The following ANK3 variants were observed in gnomAD, a reference collection of about 807,000 sequenced individuals.
ANK3 encodes the protein ankyrin 3.
Under a neutral mutation model 370.9 loss-of-function variants are expected in ANK3, and 57 were observed. That is an observed-to-expected ratio of 0.15 (90% CI 0.12 to 0.19). The LOEUF (loss-of-function observed/expected upper bound fraction) is 0.19. Among genes scored for constraint, ANK3 ranks in the 10% least tolerant of loss-of-function variants. ANK3 has a pLI of 1.00. For synonymous variants in ANK3, 1,929 were observed against 1,946.3 expected (o/e 0.99, Z 0.23); for missense variants, 4,439 against 5,302.1 (o/e 0.84, Z 5.06).
intron 7 of ANK3, among the ~76,000 whole-genome samples, chr10:60,237,593 T>C (rs2132546801): frequency 6.6e-6 from 1 of 151,940 alleles, no homozygotes; most frequent in South Asian, 2.1e-4. Flanking sequence ...AGTTTCTTTT[T>C]TTTCTCTTTT....
chr10:60,075,879 C>T lies in ANK3; in HGVS notation c.5002G>A (p.Ala1668Thr). Residue 1668 changes from alanine (A) to threonine (T), a missense_variant, in exon 37 of 44, where the codon GCA becomes ACA. Transcript: ENST00000280772. ...TTTAAAGGTGAAGATATTAGCGGTGCTGCTGATGTAATAATTGACTTAAAT... is the reference window on the plus strand; with the variant it reads ...TTTAAAGGTGAAGATATTAGCGGTGTTGCTGATGTAATAATTGACTTAAAT... ...LPFKSIITSA[A>T]PLISSPLKSV... The T allele has an allele frequency of 1.2e-6, 2 of 1,614,104 alleles. No individual in the cohort carries two copies. Among genetic ancestry groups the T allele is most frequent in the Non-Finnish European group, 1.7e-6 (2 of 1,179,998 alleles).
intron 1 of ANK3, among the ~76,000 whole-genome samples, chr10:60,331,964 C>CT (rs11418523): frequency 0.12 from 17,537 of 148,528 alleles, 1,351 homozygotes; most frequent in East Asian, 0.24. Flanking sequence ...ATCTTTTTTT[C>CT]TTTTTTTTTT....
Position 60,636,714 on chromosome 10 carries a change from A to G in ANK3, c.58-21490T>C, listed in dbSNP as rs74592806. The stretch of plus-strand genomic sequence containing the variant: ...AAGAATCAACACTACTGAATTTACA[A>G]GAACAGACAAGGCATCAACCTACTC... On this transcript the variant is annotated intron_variant, in intron 1 of 43. Transcript: ENST00000373827. Among the ~76,000 whole-genome samples, 694 of 152,334 alleles carry G rather than the reference A, an allele frequency of 4.6e-3. 9 individuals are homozygous for G. Among genetic ancestry groups the G allele is most frequent in the African/African-American group, 0.015 (623 of 41,576 alleles).
chr10:60,035,349 A>G (rs1398888437), intron 43 of ANK3, among the ~76,000 whole-genome samples: 1 of 151,978 alleles, frequency 6.6e-6, no homozygotes, highest in Non-Finnish European at 1.5e-5. Context: ...CCTAGGTTCA[A>G]GCGATTCTCC....
intron 25 of ANK3, among the ~76,000 whole-genome samples, chr10:60,130,969 T>C (rs979163179): frequency 6.6e-6 from 1 of 152,214 alleles, no homozygotes; most frequent in Non-Finnish European, 1.5e-5. Flanking sequence ...ACCTTCCACC[T>C]GGATTCAACA....
chr10:60,059,168 A>T (rs2131927271), intron 41 of ANK3, among the ~76,000 whole-genome samples, 172 bp downstream of exon 41: 1 of 152,344 alleles, frequency 6.6e-6, no homozygotes, highest in Middle Eastern at 3.4e-3. Flanking sequence ...TTAAATTTAA[A>T]TTTAAATTCA....
At chr10:60,103,151 C>T (rs531524427) in intron 28 of ANK3, among the ~76,000 whole-genome samples, 8 of 152,136 alleles carry the variant, frequency 5.3e-5, no homozygotes, top group Non-Finnish European at 1.0e-4. Flanking sequence ...GGGGTTTCAC[C>T]ATGTTGGCCA....
chr10:60,274,602 C>T (rs2098056865), intron 4 of ANK3, among the ~76,000 whole-genome samples: 1 of 152,136 alleles, frequency 6.6e-6, no homozygotes, highest in African/African-American at 2.4e-5. Context: ...GATTCTCCCT[C>T]TCCAGTCTTG....
intron 27 of ANK3, chr10:60,108,215 A>G: frequency 2.2e-6 from 1 of 449,948 alleles, no homozygotes; most frequent in Non-Finnish European, 4.5e-6. Flanking sequence ...TTGAGGCCCA[A>G]GCTGCAGGAT....
chr10:60,512,389 A>G (rs1218522993), intron 2 of ANK3, among the ~76,000 whole-genome samples: 1 of 152,312 alleles, frequency 6.6e-6, no homozygotes, highest in East Asian at 1.9e-4. Flanking sequence ...GGAAATGTTC[A>G]TCCAATTAGT....
chr10:60,261,756 A>G, intron 7 of ANK3, 103 bp downstream of exon 7: 1 of 921,644 alleles, frequency 1.1e-6, no homozygotes, highest in Non-Finnish European at 1.7e-6. Context: ...ACTGACTGGA[A>G]GGACTCTTGG....
At position 60,469,071 on chromosome 10, in the gene ANK3, A is replaced by ATATATATATATATACCACTTTTAG. The variant is rs1567066419; in HGVS notation, c.96+146114_96+146115insCTAAAAGTGGTATATATATATATA. On this transcript the variant is annotated intron_variant, in intron 2 of 43. Transcript: ENST00000373827. Reference sequence around the variant, plus strand: ...TATATATATACCACTTTTAGTATATATATATATATATATATATATATATAC... The same window carrying ATATATATATATATACCACTTTTAG: ...TATATATATACCACTTTTAGTATATATATATATATATATACCACTTTTAGTATATATATATATATATATATATAC... 3.2e-3 allele frequency among the ~76,000 whole-genome samples: 11 copies of ATATATATATATATACCACTTTTAG among 3,410 alleles called. 2 individuals carry two copies. The highest frequency in any genetic ancestry group is 4.7e-3 in the African/African-American group (11 of 2,352). The allele number at this position is 3,410 out of a possible 152,430, so 2.2% of individuals were successfully genotyped here. A position where few individuals can be genotyped will look rare whatever the true frequency, so the allele number is the denominator to read the frequency against.
Position 60,100,234 on chromosome 10 carries a change from G to GTTTGT in ANK3, c.3328+5670_3328+5671insACAAA, listed in dbSNP as rs1554926770. Among the ~76,000 whole-genome samples, 6 of 57,898 alleles carry GTTTGT rather than the reference G, an allele frequency of 1.0e-4. No homozygotes were observed. In the Admixed American group the frequency reaches 1.1e-3, roughly 11 times the overall value. 38.0% of individuals were successfully genotyped at this position (57,898 alleles called of 152,430 possible). On this transcript the variant is annotated intron_variant, in intron 28 of 43. Transcript: ENST00000280772. ...GGCTGAAAGTCAGTATTTTGCTATG[G>GTTTGT]TTTTTTTTTTTTTTTTTTTTTTGCA... is the stretch of plus-strand genomic sequence containing the variant.
intron 1 of ANK3, among the ~76,000 whole-genome samples, chr10:60,652,439 T>G (rs1408483168): frequency 6.6e-6 from 1 of 151,268 alleles, no homozygotes; most frequent in African/African-American, 2.4e-5. Flanking sequence ...CTAATGAAAT[T>G]AAAAGAAGGA....
In ANK3 at chr10:60,396,295, C is replaced by T. The variant is rs111477795; in HGVS notation, c.97-116656G>A. On this transcript the variant is annotated intron_variant, in intron 2 of 43. Coordinates refer to the ANK3 transcript ENST00000373827. ...TGCTTCCTTCCATGTTTACATTCCC[C>T]AGGAAAAATAAATCAAGACAGTGAG... Among the ~76,000 whole-genome samples, 438 of 152,184 alleles carry T rather than the reference C, an allele frequency of 2.9e-3. 2 individuals are homozygous for T. Among genetic ancestry groups the T allele is most frequent in the African/African-American group, 1.0e-2 (415 of 41,504 alleles).
At chr10:60,352,870 G>A (rs188785536) in intron 1 of ANK3, among the ~76,000 whole-genome samples, 8 of 152,132 alleles carry the variant, frequency 5.3e-5, no homozygotes, top group South Asian at 4.1e-4. Context: ...TGTATTTAGC[G>A]TGAGTAAATG....
At chr10:60,281,569 T>C (rs1379628450) in intron 1 of ANK3, among the ~76,000 whole-genome samples, 1 of 152,218 alleles carries the variant, frequency 6.6e-6, no homozygotes, top group Non-Finnish European at 1.5e-5. Context: ...CTCCATGTAA[T>C]ATTCATCTTA....
intron 1 of ANK3, among the ~76,000 whole-genome samples, chr10:60,694,122 T>A (rs992892424): frequency 6.6e-6 from 1 of 152,062 alleles, no homozygotes; most frequent in South Asian, 2.1e-4. Context: ...CAGGAGCCGA[T>A]GCGATCAACT....
intron 1 of ANK3, among the ~76,000 whole-genome samples, chr10:60,284,563 C>T (rs1566253397): frequency 6.6e-6 from 1 of 151,966 alleles, no homozygotes; most frequent in African/African-American, 2.4e-5. Flanking sequence ...AATGAGAATT[C>T]TTAGCTCATT....
Sources: allele counts gnomAD v4.1 joint callset (sites outside exome capture counted in the v4.1 genomes callset), GRCh38; gene constraint gnomAD v4.1.1; transcripts MANE v1.5; gene names NCBI Gene and HGNC (gene_info 2026-07-23, HGNC 2026-07-21).